LRRC4C: variants seen among roughly 807,000 people sequenced by gnomAD.
LRRC4C encodes leucine rich repeat containing 4C.
Under a neutral mutation model 33.6 loss-of-function variants are expected in LRRC4C, and 5 were observed. The observed-to-expected ratio is 0.15, with a 90% CI of 0.08 to 0.31. The LOEUF (loss-of-function observed/expected upper bound fraction) is 0.31, where lower values mean the gene tolerates loss of function less well. Among genes scored for constraint, LRRC4C ranks in the 10% least tolerant of loss-of-function variants. The pLI is 1.00. For missense variants in LRRC4C, 560 were observed against 796.7 expected (o/e 0.70, Z 3.58); for synonymous variants, 329 against 302.0 (o/e 1.09, Z -0.93).
intron 1 of LRRC4C, among the ~76,000 whole-genome samples, chr11:41,017,626 T>G (rs1319333896): frequency 6.6e-6 from 1 of 151,814 alleles, no homozygotes; most frequent in Admixed American, 6.6e-5. Flanking sequence ...TTTAGAGAGA[T>G]AGGAAAAATA....
chr11:41,140,471 T>C (rs1211744777), intron 1 of LRRC4C, among the ~76,000 whole-genome samples: 1 of 130,180 alleles, frequency 7.7e-6, no homozygotes, highest in Admixed American at 7.4e-5. Flanking sequence ...TGGTTAAGAT[T>C]CTCCTCCTTC....
intron 2 of LRRC4C, among the ~76,000 whole-genome samples, chr11:40,898,796 C>T (rs1362278261): frequency 1.3e-5 from 2 of 151,790 alleles, no homozygotes; most frequent in African/African-American, 4.8e-5. Context: ...CATTAACCAA[C>T]CACTCGTCCC....
intron 1 of LRRC4C, among the ~76,000 whole-genome samples, chr11:41,456,259 T>A (rs1240653722): frequency 6.6e-6 from 1 of 152,162 alleles, no homozygotes; most frequent in Non-Finnish European, 1.5e-5. Flanking sequence ...TAGGCTGTTG[T>A]AATGACTCAG....
chr11:41,269,644 G>A (rs1949260387), intron 1 of LRRC4C, among the ~76,000 whole-genome samples: 1 of 152,058 alleles, frequency 6.6e-6, no homozygotes, highest in Admixed American at 6.6e-5. Flanking sequence ...GGTGCCAATT[G>A]TGGGAGCTAC....
intron 2 of LRRC4C, among the ~76,000 whole-genome samples, chr11:40,746,703 C>G (rs1948443507): frequency 6.6e-6 from 1 of 152,126 alleles, no homozygotes. Flanking sequence ...CAATCAGGGC[C>G]TGGGGATTGC....
chr11:40,750,390 G>C (rs947047535), intron 2 of LRRC4C, among the ~76,000 whole-genome samples: 1 of 151,804 alleles, frequency 6.6e-6, no homozygotes, highest in African/African-American at 2.4e-5. Context: ...AAGCAGACAA[G>C]GACACAAAAG....
intron 2 of LRRC4C, among the ~76,000 whole-genome samples, chr11:40,842,786 TA>T (rs2135664783): frequency 6.6e-6 from 1 of 152,266 alleles, no homozygotes; most frequent in South Asian, 2.1e-4. Flanking sequence ...TCCTAGATCA[TA>T]AACATTACAA....
chr11:40,556,456 T>C (rs952826645), intron 3 of LRRC4C, among the ~76,000 whole-genome samples: 1 of 152,232 alleles, frequency 6.6e-6, no homozygotes, highest in African/African-American at 2.4e-5. Context: ...CAAAAATGTC[T>C]GGTCCATAGC....
chr11:41,278,283 A>G (rs571923856), intron 1 of LRRC4C, among the ~76,000 whole-genome samples: 2 of 152,304 alleles, frequency 1.3e-5, no homozygotes, highest in East Asian at 3.9e-4. Flanking sequence ...ACATCACTTA[A>G]CATCATTCAT....
At chr11:41,335,655 G>C (rs1951429819) in intron 1 of LRRC4C, among the ~76,000 whole-genome samples, 1 of 152,060 alleles carries the variant, frequency 6.6e-6, no homozygotes, top group Non-Finnish European at 1.5e-5. Context: ...GTTATGTCCA[G>C]CACCTGCACC....
chr11:41,310,497 C>A (rs759141436), intron 1 of LRRC4C, among the ~76,000 whole-genome samples: 15 of 152,138 alleles, frequency 9.9e-5, no homozygotes, highest in Non-Finnish European at 1.8e-4. Flanking sequence ...TGAACAAGTT[C>A]TTTGTGTTAG....
At chr11:40,487,539 T>C (rs1002389002) in intron 3 of LRRC4C, among the ~76,000 whole-genome samples, 7 of 152,062 alleles carry the variant, frequency 4.6e-5, no homozygotes, top group Non-Finnish European at 1.0e-4. Context: ...ATAGGTATTG[T>C]GAAGAGTAGA....
At chr11:40,359,106 A>G (rs1399633847) in intron 3 of LRRC4C, among the ~76,000 whole-genome samples, 1 of 152,294 alleles carries the variant, frequency 6.6e-6, no homozygotes, top group Non-Finnish European at 1.5e-5. Flanking sequence ...TCCCTTATGT[A>G]ATGTGTCGGG....
chr11:40,344,888 G>T (rs532076456), intron 3 of LRRC4C, among the ~76,000 whole-genome samples: 1 of 152,172 alleles, frequency 6.6e-6, no homozygotes, highest in African/African-American at 2.4e-5. Context: ...AATCAAGAAT[G>T]CAATCTCATT....
At chr11:40,655,931 G>A (rs1376119335) in intron 2 of LRRC4C, among the ~76,000 whole-genome samples, 2 of 152,122 alleles carry the variant, frequency 1.3e-5, no homozygotes, top group African/African-American at 2.4e-5. Flanking sequence ...AAGAGATAGA[G>A]CGAAGAGGAA....
At chr11:40,710,908 G>A (rs1591526075) in intron 2 of LRRC4C, among the ~76,000 whole-genome samples, 1 of 152,166 alleles carries the variant, frequency 6.6e-6, no homozygotes, top group African/African-American at 2.4e-5. Context: ...CAGCAATTGT[G>A]GATGCTCCTC....
chr11:40,771,558 G>T (rs1403272620), intron 2 of LRRC4C, among the ~76,000 whole-genome samples: 1 of 152,036 alleles, frequency 6.6e-6, no homozygotes, highest in Non-Finnish European at 1.5e-5. Flanking sequence ...CCAGAAAATG[G>T]GTTTTTGTTG....
At chr11:41,405,944 A>T (rs1220892351) in intron 1 of LRRC4C, among the ~76,000 whole-genome samples, 5 of 152,254 alleles carry the variant, frequency 3.3e-5, no homozygotes, top group African/African-American at 9.6e-5. Context: ...TACATGCTCT[A>T]AGCACTGTTT....
rs1947713839 is a variant in LRRC4C at position 40,357,286 on chromosome 11, T to C, written c.-269-37565A>G. 2.6e-5 allele frequency among the ~76,000 whole-genome samples: 4 copies of C among 152,238 alleles called. No homozygotes were observed. The South Asian group carries it at 8.3e-4, about 32-fold the overall frequency. Reference sequence around the variant, plus strand: ...TTGTCAAAGCCTCTTTACTTTTCAGTGTGTTTATAGCTCTGAGACTGGAGG... The same window carrying C: ...TTGTCAAAGCCTCTTTACTTTTCAGCGTGTTTATAGCTCTGAGACTGGAGG... On this transcript the variant is annotated intron_variant, in intron 3 of 6. Transcript: ENST00000528697.
Sources: gnomAD v4.1 joint callset for allele counts (sites outside exome capture counted in the v4.1 genomes callset) on GRCh38, gnomAD v4.1.1 for gene constraint, MANE v1.5 for transcripts, NCBI Gene and HGNC (gene_info 2026-07-23, HGNC 2026-07-21) for gene names.